Variants in CBR4 observed in about 807,000 individuals in gnomAD.
The protein encoded by CBR4 is carbonyl reductase 4.
In CBR4, 22 loss-of-function variants were observed where a neutral mutation model predicts 21.0. The ratio of observed to expected loss-of-function variants is 1.05; its 90% CI spans 0.75 to 1.50. The LOEUF (loss-of-function observed/expected upper bound fraction) is 1.50. Among genes scored for constraint, CBR4 ranks in the 40% most tolerant of loss-of-function variants. The pLI is 0.00. For missense variants in CBR4, 302 were observed against 286.3 expected (o/e 1.05, Z -0.40); for synonymous variants, 100 against 104.4 (o/e 0.96, Z 0.26).
At chr4:168,985,403 G>A (rs1260975204), downstream of CBR4, among the ~76,000 whole-genome samples, 2 of 152,054 alleles carry the variant, frequency 1.3e-5, no homozygotes, top group Non-Finnish European at 2.9e-5. Flanking sequence ...AGATGCTGGT[G>A]GTTGTGGAGA....
At chr4:168,983,177 A>AT (rs1451223205), downstream of CBR4, among the ~76,000 whole-genome samples, 2 of 152,112 alleles carry the variant, frequency 1.3e-5, no homozygotes, top group African/African-American at 2.4e-5. Flanking sequence ...AGCTATACTA[A>AT]TTTTTTTAAA....
intron 2 of CBR4, among the ~76,000 whole-genome samples, chr4:168,955,246 C>A (rs1763650870): frequency 6.6e-6 from 1 of 152,132 alleles, no homozygotes; most frequent in Admixed American, 6.5e-5. Context: ...GAAGTCAATA[C>A]ATGAGGCCTA....
At chr4:168,904,557 A>G (rs747636262) in intron 2 of CBR4, among the ~76,000 whole-genome samples, 6 of 152,158 alleles carry the variant, frequency 3.9e-5, no homozygotes, top group Non-Finnish European at 8.8e-5. Context: ...TTTAGTCACT[A>G]TGCTGGATAT....
At chr4:168,906,179 T>G (rs139128237) in intron 2 of CBR4, among the ~76,000 whole-genome samples, 21 of 152,346 alleles carry the variant, frequency 1.4e-4, no homozygotes, top group African/African-American at 4.6e-4. Flanking sequence ...GGGATGGAAT[T>G]ATCTGTGGTC....
At chr4:168,900,716 G>T (rs10032876) in intron 2 of CBR4, among the ~76,000 whole-genome samples, 1,716 of 152,216 alleles carry the variant, frequency 0.011, 48 homozygotes, top group African/African-American at 0.039. Flanking sequence ...AATAAAATGG[G>T]ATTTTTAAAA....
At chr4:169,000,136 G>GTA (rs1212037615) in intron 4 of CBR4, among the ~76,000 whole-genome samples, 1 of 152,200 alleles carries the variant, frequency 6.6e-6, no homozygotes, top group Non-Finnish European at 1.5e-5. Context: ...GCAAATACAT[G>GTA]TAGTTCCAAA....
In CBR4 at chr4:168,932,657, A is replaced by C. The variant is rs1036265338; in HGVS notation, n.170-37892T>G. ...TCAAATTGTCAAAAGTCAAATACAA[A>C]GAAAGAATTCTAACAACAGCAAGAG... On this transcript the variant is annotated intron_variant and non_coding_transcript_variant, in intron 2 of 3. Transcript: ENST00000509108. Among the ~76,000 whole-genome samples the C allele has an allele frequency of 2.6e-5, 4 of 152,208 alleles. No homozygotes were observed. The South Asian group carries it at 8.3e-4, about 31-fold the overall frequency.
intron 2 of CBR4, among the ~76,000 whole-genome samples, chr4:168,963,333 G>A (rs1374942322): frequency 6.6e-6 from 1 of 152,048 alleles, no homozygotes; most frequent in Non-Finnish European, 1.5e-5. Context: ...CAAAAAGGTG[G>A]GTAACTGTTG....
At chr4:168,950,933 G>C (rs372982756) in intron 2 of CBR4, among the ~76,000 whole-genome samples, 1 of 152,074 alleles carries the variant, frequency 6.6e-6, no homozygotes, top group Non-Finnish European at 1.5e-5. Context: ...GTGCCTATTT[G>C]CATGAAATGC....
At chr4:168,948,186 CTG>C (rs1426757870) in intron 2 of CBR4, among the ~76,000 whole-genome samples, 1 of 152,064 alleles carries the variant, frequency 6.6e-6, no homozygotes, top group Non-Finnish European at 1.5e-5. Flanking sequence ...CTTTTGAAAA[CTG>C]TCTATTCATG....
intron 1 of CBR4, among the ~76,000 whole-genome samples, chr4:169,009,571 C>G (rs1021457900): frequency 1.2e-4 from 18 of 152,366 alleles, no homozygotes; most frequent in African/African-American, 4.3e-4. Context: ...GGGCCGAGAA[C>G]TCGCCCTTTT....
At chr4:168,976,963 G>C (rs1305416077) in intron 2 of CBR4, among the ~76,000 whole-genome samples, 3 of 152,188 alleles carry the variant, frequency 2.0e-5, no homozygotes, top group Non-Finnish European at 2.9e-5. Flanking sequence ...TTCCCCAGTG[G>C]GTATGTGTGT....
chr4:168,924,967 T>G (rs1470297228), intron 2 of CBR4: 1 of 1,614,020 alleles, frequency 6.2e-7, no homozygotes, highest in Admixed American at 1.7e-5. Flanking sequence ...CAACCACGGC[T>G]ACATCTGCCT....
At chr4:168,962,178 AT>A (rs1763882617) in intron 2 of CBR4, among the ~76,000 whole-genome samples, 1 of 152,240 alleles carries the variant, frequency 6.6e-6, no homozygotes, top group African/African-American at 2.4e-5. Context: ...AAATCCTAAA[AT>A]TAAAAGGTAA....
chr4:168,995,800 T>TC (rs1765170982), intron 4 of CBR4, among the ~76,000 whole-genome samples: 2 of 152,018 alleles, frequency 1.3e-5, no homozygotes, highest in South Asian at 4.2e-4. Flanking sequence ...AGACATGTGA[T>TC]CCCCCAAAAA....
intron 2 of CBR4, among the ~76,000 whole-genome samples, chr4:168,975,965 T>C (rs1402652157): frequency 1.3e-5 from 2 of 152,114 alleles, no homozygotes; most frequent in African/African-American, 4.8e-5. Flanking sequence ...TGGAGTTATA[T>C]CCAGTCAGCC....
chr4:168,922,085 TTATATATA>T (rs149658107), intron 2 of CBR4, among the ~76,000 whole-genome samples: 2 of 134,338 alleles, frequency 1.5e-5, no homozygotes, highest in South Asian at 2.5e-4. Flanking sequence ...AGTTTTATAT[TTATATATA>T]TATATATATA....
At chr4:168,926,952 G>GCC (rs1762649545) in intron 2 of CBR4, 1 of 219,026 alleles carries the variant, frequency 4.6e-6, no homozygotes, top group African/African-American at 2.2e-5. Context: ...TGCCTTAAAT[G>GCC]TTAATATCAA....
At chr4:168,969,054 C>T (rs1764127638) in intron 2 of CBR4, among the ~76,000 whole-genome samples, 1 of 152,250 alleles carries the variant, frequency 6.6e-6, no homozygotes, top group South Asian at 2.1e-4. Context: ...CTCCCATTAA[C>T]ATCAGAGCCA....
Sources: gnomAD v4.1 joint callset for allele counts (sites outside exome capture counted in the v4.1 genomes callset) on GRCh38, gnomAD v4.1.1 for gene constraint, MANE v1.5 for transcripts, NCBI Gene and HGNC (gene_info 2026-07-23, HGNC 2026-07-21) for gene names.